The following MOV10 variants were observed in gnomAD, a reference collection of about 807,000 sequenced individuals.
The protein encoded by MOV10 is Mov10 RNA helicase, also known as RNA helicase MOV-10.
A neutral mutation model predicts 108.4 loss-of-function variants in MOV10; 39 were observed. That is an observed-to-expected ratio of 0.36 (90% CI 0.28 to 0.47). The LOEUF is 0.47. MOV10 is among the 20% of genes least tolerant of loss of function. MOV10 has a pLI of 1.00. For synonymous variants in MOV10, 490 were observed against 523.1 expected (o/e 0.94, Z 0.86); for missense variants, 952 against 1,297.6 (o/e 0.73, Z 4.09).
intron 2 of MOV10, among the ~76,000 whole-genome samples, chr1:112,682,209 G>C (rs1672716090): frequency 6.6e-6 from 1 of 151,990 alleles, no homozygotes; most frequent in Non-Finnish European, 1.5e-5. Context: ...GTTTTTTGTT[G>C]TTGTTGTTTG....
chr1:112,696,971 A>G, intron 14 of MOV10, 125 bp downstream of exon 14: 1 of 814,368 alleles, frequency 1.2e-6, no homozygotes, highest in East Asian at 2.7e-5. Flanking sequence ...CAGAAAGACT[A>G]AACTGGAAGG....
rs770277354 is a variant in MOV10, at chr1:112,675,047, C to T, written c.135C>T (p.Ile45=). 1.3e-5 allele frequency: 20 copies of T among 1,594,392 alleles called. No individual in the cohort carries two copies. The Admixed American group carries it at 1.6e-4, about 12-fold the overall frequency. Residue 45 remains isoleucine, a splice_region_variant and synonymous_variant, in exon 2 of 21, where the codon ATC becomes ATT. Transcript: ENST00000369645. This position sits in a 1 kb window ranked among gnomAD's most constrained non-coding sequence, Gnocchi z 4.7. ...CCATTTATAACCGCGACTTCAAGATCAGGTACGGGCCGGCCCACTCCCGGC... is the reference window on the plus strand; with the variant it reads ...CCATTTATAACCGCGACTTCAAGATTAGGTACGGGCCGGCCCACTCCCGGC... ...LRTIYNRDFK[I]SFGTPAPGFS... is the part of the protein sequence containing the mutation.
chr1:112,686,137 G>C (rs1673065881), intron 2 of MOV10, among the ~76,000 whole-genome samples: 1 of 152,068 alleles, frequency 6.6e-6, no homozygotes, highest in Non-Finnish European at 1.5e-5. Context: ...TGGGAGCCTG[G>C]AGCCACTTTT....
At chr1:112,683,901 A>C (rs1672859244) in intron 2 of MOV10, among the ~76,000 whole-genome samples, 1 of 152,162 alleles carries the variant, frequency 6.6e-6, no homozygotes, top group Non-Finnish European at 1.5e-5. Flanking sequence ...TTCCAGGAAC[A>C]GTGTTACTGG....
chr1:112,681,433 G>T (rs1557751806), intron 2 of MOV10, among the ~76,000 whole-genome samples: 1 of 152,086 alleles, frequency 6.6e-6, no homozygotes, highest in East Asian at 1.9e-4. Context: ...GGCGGAAGTT[G>T]CAGTGAGCCA....
At chr1:112,698,948 T>TG in intron 17 of MOV10, 159 bp downstream of exon 17, 1 of 669,862 alleles carries the variant, frequency 1.5e-6, no homozygotes, top group South Asian at 1.8e-5. Flanking sequence ...CTCCTGGAGA[T>TG]TCCAACTTAA....
chr1:112,683,003 T>C (rs1332069286), intron 2 of MOV10, among the ~76,000 whole-genome samples: 1 of 149,654 alleles, frequency 6.7e-6, no homozygotes, highest in Non-Finnish European at 1.5e-5. Flanking sequence ...CACTGCAACC[T>C]GCACCTCCCA....
intron 2 of MOV10, among the ~76,000 whole-genome samples, chr1:112,683,200 G>A (rs1309695963): frequency 3.3e-5 from 5 of 151,848 alleles, no homozygotes; most frequent in Non-Finnish European, 7.4e-5. Flanking sequence ...GATTACAGGC[G>A]TGAGCCACCG....
intron 2 of MOV10, among the ~76,000 whole-genome samples, chr1:112,684,363 G>A (rs1026920411): frequency 6.6e-6 from 1 of 150,820 alleles, no homozygotes; most frequent in South Asian, 2.1e-4. Context: ...CGCCTCCTGG[G>A]TTCAAGCGAT....
At chr1:112,690,849 C>T (rs1297735415) in intron 5 of MOV10, among the ~76,000 whole-genome samples, 1 of 152,194 alleles carries the variant, frequency 6.6e-6, no homozygotes, top group Non-Finnish European at 1.5e-5. Flanking sequence ...CCACTTTGTT[C>T]AGCCCTAAGA....
At position 112,699,981 on chromosome 1, in the gene MOV10, G is replaced by A. The variant is rs1674495749; in HGVS notation, c.2797G>A (p.Val933Ile). The A allele has an allele frequency of 6.2e-7, 1 of 1,614,098 alleles. No homozygotes were observed. The highest frequency in any genetic ancestry group is 1.7e-5 in the Admixed American group (1 of 60,002). Residue 933 changes from valine to isoleucine, a missense_variant and splice_region_variant, in exon 19 of 21, where the codon GTA becomes ATA. Transcript: ENST00000369645. ...LLLGHDPDWK[V>I]FLEFCKENGG... ...CCTGGGCCATGACCCTGACTGGAAA[G>A]TGTGAGCATTCCCACCCCATTCTCC... is the stretch of plus-strand genomic sequence containing the variant.
rs892875134 is a variant in MOV10, at chr1:112,694,268, G to T, written c.1295+96G>T. 1 of 1,515,406 alleles carries T rather than the reference G, an allele frequency of 6.6e-7. No individual in the cohort carries two copies. The highest frequency in any genetic ancestry group is 9.1e-7 in the Non-Finnish European group (1 of 1,100,118). 93.9% of individuals were successfully genotyped at this position (1,515,406 alleles called of 1,614,324 possible). Reference sequence around the variant, plus strand: ...TTCTCCCTGAGATAAATGAGACCCCGGGGCAGAGCAGGAGACTTTTCCTCA... The same window carrying T: ...TTCTCCCTGAGATAAATGAGACCCCTGGGCAGAGCAGGAGACTTTTCCTCA... On this transcript the variant is annotated intron_variant, in intron 8 of 20. Transcript: ENST00000369645. This position sits in a 1 kb window ranked among gnomAD's most constrained non-coding sequence, Gnocchi z 4.1.
chr1:112,694,649 G>A lies in MOV10; in HGVS notation c.1472+20G>A. The A allele has an allele frequency of 3.1e-6, 5 of 1,591,986 alleles. No individual in the cohort carries two copies. Among genetic ancestry groups the A allele is most frequent in the Non-Finnish European group, 4.3e-6 (5 of 1,167,464 alleles). Reference sequence around the variant, plus strand: ...ACTCAAGTGAGACTGTGGGCAGGGAGCTTCTGGAGCCACTTGGAGTGTGGG... The same window carrying A: ...ACTCAAGTGAGACTGTGGGCAGGGAACTTCTGGAGCCACTTGGAGTGTGGG... On this transcript the variant is annotated intron_variant, in intron 9 of 20. Coordinates refer to ENST00000369645, the MANE Select transcript of MOV10 (RefSeq NM_001321324.2). This position sits in a 1 kb window ranked among gnomAD's most constrained non-coding sequence, Gnocchi z 4.1.
chr1:112,688,381 G>C lies in MOV10; in HGVS notation c.138-554G>C, dbSNP rs916219136. On this transcript the variant is annotated intron_variant, in intron 2 of 20. Transcript: ENST00000369645. ...AGAAGGATCCTTTCCCTTCCTGCTT[G>C]GGTTCCACCTGCACCCTATGACTTC... 4.8e-5 allele frequency: 48 copies of C among 990,416 alleles called. No homozygotes were observed. The African/African-American group carries it at 8.2e-4, about 17-fold the overall frequency. The allele number at this position is 990,416 out of a possible 1,614,324, so 61.4% of individuals were successfully genotyped here.
intron 7 of MOV10, among the ~76,000 whole-genome samples, chr1:112,693,264 C>T (rs1451250056): frequency 3.3e-5 from 5 of 152,052 alleles, no homozygotes; most frequent in Admixed American, 1.3e-4. Flanking sequence ...GCATATAAGC[C>T]CAAAATTACA....
At position 112,696,455 on chromosome 1, in the gene MOV10, T is replaced by G. The variant is rs748100975; in HGVS notation, c.1902T>G (p.Phe634Leu). Residue 634 changes from phenylalanine (F) to leucine (L), a missense_variant, in exon 13 of 21, where the codon TTT (phenylalanine) becomes TTG (leucine). This residue lies in a region of MOV10 where 453 missense variants were observed against 611.5 expected (regional missense o/e 0.74). Transcript: ENST00000369645. ...ITAGRLVSAQFPIDHFTHIFI... is the reference protein window; with the variant it reads ...ITAGRLVSAQLPIDHFTHIFI... Reference sequence around the variant, plus strand: ...CTCCCAGGTTGGTCTCGGCCCAGTTTCCCATTGATCACTTCACACACATCT... The same window carrying G: ...CTCCCAGGTTGGTCTCGGCCCAGTTGCCCATTGATCACTTCACACACATCT... 1 of 1,614,052 alleles carries G rather than the reference T, an allele frequency of 6.2e-7. No homozygotes were observed. Among genetic ancestry groups the G allele is most frequent in the South Asian group, 1.1e-5 (1 of 91,074 alleles).
In MOV10 at chr1:112,690,040, C is replaced by CCTTCA. The variant is rs749353684; in HGVS notation, c.778_779insCTTCA (p.Arg260ProfsTer10). The stretch of plus-strand genomic sequence containing the variant: ...GCCCATGACTCCCTTCAAGCGGACC[C>CCTTCA]GGATCACCGGAAACCCTGTGGTGAC... On this transcript the variant is annotated frameshift_variant, in exon 5 of 21. Coordinates refer to ENST00000369645, the MANE Select transcript of MOV10 (RefSeq NM_001321324.2). LOFTEE classifies it high-confidence loss of function. 3 of 1,613,948 alleles carry CCTTCA rather than the reference C, an allele frequency of 1.9e-6. No individual in the cohort carries two copies. In the African/African-American group the frequency reaches 4.0e-5, roughly 22 times the overall value.
intron 2 of MOV10, among the ~76,000 whole-genome samples, chr1:112,682,114 T>C (rs1231604533): frequency 3.3e-5 from 5 of 152,144 alleles, no homozygotes. Flanking sequence ...AGGCTGGTCT[T>C]GAACTCCTGA....
intron 2 of MOV10, among the ~76,000 whole-genome samples, chr1:112,679,268 G>A (rs1672439411): frequency 6.6e-6 from 1 of 152,108 alleles, no homozygotes; most frequent in Non-Finnish European, 1.5e-5. Context: ...GAGGGGCACA[G>A]TGATACAAGT....
Sources: allele counts gnomAD v4.1 joint callset (sites outside exome capture counted in the v4.1 genomes callset), GRCh38; gene constraint gnomAD v4.1.1; regional missense constraint gnomAD v4.1.1; non-coding constraint Gnocchi (gnomAD v3.1); transcripts MANE v1.5; gene names NCBI Gene and HGNC (gene_info 2026-07-23, HGNC 2026-07-21).